CPHXL2: variants seen among roughly 807,000 people sequenced by gnomAD.
CPHXL2 encodes the protein cytoplasmic polyadenylated homeobox like 2, also known as cytoplasmic polyadenylated homeobox-like protein 2.
At chr16:75,670,349 C>A in the CPHXL2 span, among the ~76,000 whole-genome samples, 1 of 152,132 alleles carries the variant, frequency 6.6e-6, no homozygotes, top group South Asian at 2.1e-4. Context: ...GAATCGGAGC[C>A]TGAAAGGGAG....
the CPHXL2 span, among the ~76,000 whole-genome samples, chr16:75,668,495 A>G: frequency 2.3e-4 from 35 of 152,188 alleles, 1 homozygote; most frequent in East Asian, 2.7e-3. Context: ...CCAAAGTGCT[A>G]GGATTACAGG....
chr16:75,662,976 A>G, the CPHXL2 span, among the ~76,000 whole-genome samples: 4 of 151,504 alleles, frequency 2.6e-5, no homozygotes, highest in Admixed American at 2.6e-4. Flanking sequence ...TTTTTTTTGT[A>G]TTTTTAGTAG....
the CPHXL2 span, among the ~76,000 whole-genome samples, chr16:75,668,929 A>G: frequency 3.3e-5 from 5 of 152,112 alleles, no homozygotes; most frequent in African/African-American, 4.8e-5. Context: ...AGATGTATAT[A>G]TTTTGATTAC....
the CPHXL2 span, chr16:75,660,963 AC>A: frequency 5.0e-6 from 2 of 398,628 alleles, no homozygotes; most frequent in Admixed American, 8.8e-5. Context: ...CATGGAGCCC[AC>A]CTGTTGACTG....
chr16:75,660,713 A>G, the CPHXL2 span: 12 of 398,568 alleles, frequency 3.0e-5, no homozygotes, highest in African/African-American at 2.1e-4. Context: ...AGGGACTTGC[A>G]TGCTGGCTTT....
chr16:75,662,330 CT>C, the CPHXL2 span, among the ~76,000 whole-genome samples: 95 of 143,196 alleles, frequency 6.6e-4, 1 homozygote, highest in African/African-American at 2.4e-3. Flanking sequence ...CTTTTTCTTT[CT>C]TTTCTTTTTT....
chr16:75,669,338 A>G, the CPHXL2 span: 1 of 400,632 alleles, frequency 2.5e-6, no homozygotes, highest in Non-Finnish European at 4.4e-6. Flanking sequence ...AAATCTAAGA[A>G]ACATGCATAC....
the CPHXL2 span, chr16:75,676,992 G>A: frequency 2.5e-6 from 1 of 398,482 alleles, no homozygotes; most frequent in Non-Finnish European, 4.4e-6. Flanking sequence ...CTCACCTTGG[G>A]AAGACATGTC....
At chr16:75,663,685 C>T in the CPHXL2 span, among the ~76,000 whole-genome samples, 2 of 151,880 alleles carry the variant, frequency 1.3e-5, no homozygotes, top group Non-Finnish European at 2.9e-5. Context: ...AGATTGAGAC[C>T]ATACTGGCTA....
chr16:75,660,833 TC>T, the CPHXL2 span: 6 of 398,630 alleles, frequency 1.5e-5, no homozygotes, highest in Admixed American at 2.6e-4. Context: ...AATGCTCACT[TC>T]CTGTGTCACC....
chr16:75,660,551 C>T, the CPHXL2 span: 1 of 398,646 alleles, frequency 2.5e-6, no homozygotes. Flanking sequence ...CCTGCAACAT[C>T]ATCCCCTCTG....
chr16:75,665,919 G>T, the CPHXL2 span, among the ~76,000 whole-genome samples: 1 of 152,084 alleles, frequency 6.6e-6, no homozygotes, highest in African/African-American at 2.4e-5. Context: ...GAATGGAATA[G>T]TACCTCACAT....
At chr16:75,671,017 C>T in the CPHXL2 span, among the ~76,000 whole-genome samples, 1 of 152,160 alleles carries the variant, frequency 6.6e-6, no homozygotes, top group African/African-American at 2.4e-5. Context: ...TTGATTCACT[C>T]CCTCACCTCC....
the CPHXL2 span, among the ~76,000 whole-genome samples, chr16:75,662,319 C>G: frequency 6.6e-6 from 1 of 151,054 alleles, no homozygotes; most frequent in East Asian, 1.9e-4. Context: ...TTTTTTTTTC[C>G]CTTTTTCTTT....
At chr16:75,666,348 G>A in the CPHXL2 span, among the ~76,000 whole-genome samples, 16 of 152,198 alleles carry the variant, frequency 1.1e-4, no homozygotes, top group South Asian at 6.2e-4. Flanking sequence ...ATGGCTGGGC[G>A]TGGTGGCTCA....
the CPHXL2 span, among the ~76,000 whole-genome samples, chr16:75,663,709 C>T: frequency 7.4e-4 from 113 of 151,932 alleles, no homozygotes; most frequent in African/African-American, 2.6e-3. Context: ...TGGTGAAACC[C>T]TGTCTCTACT....
At chr16:75,672,339 C>T in the CPHXL2 span, among the ~76,000 whole-genome samples, 6 of 151,770 alleles carry the variant, frequency 4.0e-5, no homozygotes, top group East Asian at 2.0e-4. Flanking sequence ...TAATTTCGCA[C>T]GTATTGTAGG....
At chr16:75,665,899 A>T in the CPHXL2 span, among the ~76,000 whole-genome samples, 1 of 152,138 alleles carries the variant, frequency 6.6e-6, no homozygotes, top group Non-Finnish European at 1.5e-5. Context: ...CAGGCAACAA[A>T]TAGCACAATG....
At chr16:75,666,933 A>G in the CPHXL2 span, among the ~76,000 whole-genome samples, 1 of 152,234 alleles carries the variant, frequency 6.6e-6, no homozygotes, top group South Asian at 2.1e-4. Flanking sequence ...AGGAACCTTC[A>G]AAACCATGCA....
Sources: allele counts gnomAD v4.1 joint callset (sites outside exome capture counted in the v4.1 genomes callset), GRCh38; gene constraint gnomAD v4.1.1; transcripts MANE v1.5; gene names NCBI Gene and HGNC (gene_info 2026-07-23, HGNC 2026-07-21).